Variants in ADA2 observed in about 807,000 individuals in gnomAD.
The protein encoded by ADA2 is adenosine deaminase 2.
A neutral mutation model predicts 44.2 loss-of-function variants in ADA2; 29 were observed. That is an observed-to-expected ratio of 0.66 (90% CI 0.49 to 0.89). The LOEUF (loss-of-function observed/expected upper bound fraction) is 0.89, where lower values mean the gene tolerates loss of function less well. Ranked by LOEUF, ADA2 falls within the 40% of genes least tolerant of loss-of-function variation. The pLI is 0.00. For missense variants in ADA2, 637 were observed against 644.8 expected (o/e 0.99, Z 0.13); for synonymous variants, 215 against 234.9 (o/e 0.92, Z 0.77).
intron 4 of ADA2, among the ~76,000 whole-genome samples, chr22:17,195,761 CTTTTT>C (rs59967054): frequency 3.1e-5 from 4 of 128,784 alleles, no homozygotes; most frequent in African/African-American, 8.7e-5. Flanking sequence ...AATTTCTTTC[CTTTTT>C]TTTTTTTTTT....
At chr22:17,220,396 G>A (rs531707161), upstream of ADA2, among the ~76,000 whole-genome samples, 26 of 152,120 alleles carry the variant, frequency 1.7e-4, no homozygotes, top group African/African-American at 5.8e-4. Context: ...GTGGGGCCTC[G>A]ACCAAGTTGT....
intron 6 of ADA2, 147 bp from the exon 7 acceptor site, chr22:17,188,594 A>G: frequency 1.7e-6 from 1 of 578,214 alleles, no homozygotes; most frequent in South Asian, 2.1e-5. Flanking sequence ...AATGACCAGG[A>G]GCAGGCCAGG....
intron 7 of ADA2, among the ~76,000 whole-genome samples, chr22:17,185,270 C>T (rs1046818927): frequency 2.7e-5 from 4 of 150,658 alleles, no homozygotes; most frequent in Admixed American, 1.3e-4. Context: ...AAATATTAGC[C>T]GGGCGTGGTG....
chr22:17,199,647 T>C, intron 4 of ADA2: 1 of 1,613,378 alleles, frequency 6.2e-7, no homozygotes, highest in Non-Finnish European at 8.5e-7. Context: ...TGGGCGTGGC[T>C]ATTAGGACGC....
Position 17,206,947 on chromosome 22 carries a change from C to G in ADA2, c.542+124G>C, listed in dbSNP as rs544605328. The G allele has an allele frequency of 8.3e-6, 6 of 721,060 alleles. No individual in the cohort carries two copies. In the South Asian group the frequency reaches 8.9e-5, roughly 11 times the overall value. The allele number at this position is 721,060 out of a possible 1,614,324, so 44.7% of individuals were successfully genotyped here. ...GGGATTATAGGCGTGAACCACCGCA[C>G]TCAGCCTTGCCTCATGTTTTATTAA... On this transcript the variant is annotated intron_variant, in intron 3 of 9. Transcript: ENST00000399837.
In ADA2 at chr22:17,186,198, G is replaced by T. The variant is rs1199509275; in HGVS notation, c.1081+2141C>A. Among the ~76,000 whole-genome samples the T allele has an allele frequency of 2.0e-5, 3 of 152,202 alleles. 1 individual carries two copies. The highest frequency in any genetic ancestry group is 1.3e-4 in the Admixed American group (2 of 15,286). ...CTCCTCCCTCTTCTGCCAATTTCCA[G>T]CTGTGTGGCTTTAGGCAGATCAGTT... On this transcript the variant is annotated intron_variant, in intron 7 of 9. Coordinates refer to ENST00000399837, the MANE Select transcript of ADA2 (RefSeq NM_001282225.2).
Position 17,211,333 on chromosome 22 carries a change from T to C in ADA2, c.-46-1610A>G, listed in dbSNP as rs1328770743. 2.0e-5 allele frequency among the ~76,000 whole-genome samples: 3 copies of C among 152,242 alleles called. No individual in the cohort carries two copies. The East Asian group carries it at 5.8e-4, about 29-fold the overall frequency. On this transcript the variant is annotated intron_variant, in intron 1 of 9. Coordinates refer to ENST00000399837, the MANE Select transcript of ADA2 (RefSeq NM_001282225.2). ...GAGTTCGCGCCACTGCACTCCAGCC[T>C]GGGCGACAGAGCAAGACTCAATCTC...
At chr22:17,204,296 C>T (rs1415923325) in intron 3 of ADA2, among the ~76,000 whole-genome samples, 2 of 152,150 alleles carry the variant, frequency 1.3e-5, no homozygotes, top group African/African-American at 2.4e-5. Context: ...AAGGATGGGG[C>T]TCTACCCTAA....
At chr22:17,215,042 TGGGAGGGCCCA>T (rs778631608) in intron 1 of ADA2, among the ~76,000 whole-genome samples, 15 of 152,086 alleles carry the variant, frequency 9.9e-5, no homozygotes, top group Non-Finnish European at 1.5e-5. Flanking sequence ...TGCAGTCAAA[TGGGAGGGCCCA>T]GGCATCCGTC....
At chr22:17,186,455 G>A (rs1008397593) in intron 7 of ADA2, among the ~76,000 whole-genome samples, 7 of 151,858 alleles carry the variant, frequency 4.6e-5, no homozygotes, top group East Asian at 1.9e-4. Flanking sequence ...GTTGGTGGGC[G>A]CCTGTAATCC....
intron 1 of ADA2, among the ~76,000 whole-genome samples, chr22:17,210,498 C>G (rs2062407717): frequency 6.6e-6 from 1 of 151,352 alleles, no homozygotes; most frequent in Non-Finnish European, 1.5e-5. Context: ...CAGGTTTTCC[C>G]AAATTAAAGG....
chr22:17,218,877 G>T (rs1314136184), intron 1 of ADA2, among the ~76,000 whole-genome samples: 1 of 152,212 alleles, frequency 6.6e-6, no homozygotes, highest in African/African-American at 2.4e-5. Flanking sequence ...AAGAAAGGAG[G>T]CTGGGTGTGG....
At chr22:17,202,701 A>G (rs1457363910) in intron 4 of ADA2, among the ~76,000 whole-genome samples, 2 of 151,596 alleles carry the variant, frequency 1.3e-5, no homozygotes, top group East Asian at 3.9e-4. Context: ...TCACACTCAG[A>G]GCCTTTAATC....
rs1213435667 is a variant in ADA2, at chr22:17,209,726, G to A, written c.-46-3C>T. 1.4e-6 allele frequency: 2 copies of A among 1,450,384 alleles called. No individual in the cohort carries two copies. Among genetic ancestry groups the A allele is most frequent in the African/African-American group, 1.4e-5 (1 of 71,672 alleles). 89.8% of individuals were successfully genotyped at this position (1,450,384 alleles called of 1,614,324 possible). Reference sequence around the variant, plus strand: ...GCTCAGATGGAGACTCCACGGGACTGCAAAGGAGAGTGGGGGAGTGAAAAC... The same window carrying A: ...GCTCAGATGGAGACTCCACGGGACTACAAAGGAGAGTGGGGGAGTGAAAAC... On this transcript the variant is annotated splice_polypyrimidine_tract_variant and splice_region_variant and intron_variant, in intron 1 of 9. Transcript: ENST00000399837.
At chr22:17,189,391 A>T (rs1428576659) in intron 6 of ADA2, among the ~76,000 whole-genome samples, 1 of 152,106 alleles carries the variant, frequency 6.6e-6, no homozygotes, top group South Asian at 2.1e-4. Context: ...GTGTGGGACA[A>T]TGACAACACC....
At chr22:17,216,447 A>G (rs2062472765) in intron 1 of ADA2, among the ~76,000 whole-genome samples, 2 of 152,138 alleles carry the variant, frequency 1.3e-5, no homozygotes, top group South Asian at 4.1e-4. Context: ...GGGTGACTAT[A>G]CTTAGCAATA....
intron 8 of ADA2, 60 bp from the exon 9 acceptor site, chr22:17,182,082 AGTGAG>A: frequency 7.3e-7 from 1 of 1,362,630 alleles, no homozygotes; most frequent in Non-Finnish European, 1.0e-6. Context: ...AGTAGTCACA[AGTGAG>A]GTGAGACCTT....
intron 1 of ADA2, among the ~76,000 whole-genome samples, chr22:17,210,479 C>T (rs1284522139): frequency 2.6e-5 from 4 of 152,098 alleles, no homozygotes; most frequent in Non-Finnish European, 4.4e-5. Context: ...CATGAGTCAC[C>T]GCGCCCGGCA....
intron 7 of ADA2, 34 bp downstream of exon 7, chr22:17,188,305 C>T: frequency 6.6e-7 from 1 of 1,523,634 alleles, no homozygotes; most frequent in South Asian, 1.1e-5. Context: ...CATTGACCAC[C>T]TCCGCTGCCT....
Sources: gnomAD v4.1 joint callset for allele counts (sites outside exome capture counted in the v4.1 genomes callset) on GRCh38, gnomAD v4.1.1 for gene constraint, MANE v1.5 for transcripts, NCBI Gene and HGNC (gene_info 2026-07-23, HGNC 2026-07-21) for gene names.